The following OR14A2 variants were observed in gnomAD, a reference collection of about 807,000 sequenced individuals.
The protein encoded by OR14A2 is olfactory receptor family 14 subfamily A member 2.
For synonymous variants in OR14A2, 114 were observed against 58.6 expected, an observed-to-expected ratio of 1.95 and a Z score of -4.32; for missense variants, 237 against 152.9, an observed-to-expected ratio of 1.55 and a Z score of -2.90.
exon 1 of OR14A2, chr1:247,723,643 A>G (rs1253407803): frequency 2.8e-6 from 2 of 718,460 alleles, no homozygotes; most frequent in Non-Finnish European, 5.2e-6. Flanking sequence ...TCCAGTATTC[A>G]TGATTACCTC....
At chr1:247,743,583 A>T in the OR14A2 span, among the ~76,000 whole-genome samples, 16 of 152,318 alleles carry the variant, frequency 1.1e-4, no homozygotes, top group East Asian at 3.1e-3. Context: ...TATGTATTTA[A>T]GATGCATTTC....
At chr1:247,731,439 A>T in the OR14A2 span, among the ~76,000 whole-genome samples, 1 of 151,600 alleles carries the variant, frequency 6.6e-6, no homozygotes, top group Non-Finnish European at 1.5e-5. Flanking sequence ...ACTATTATTT[A>T]TTTTTGTTTG....
chr1:247,731,745 C>T, the OR14A2 span, among the ~76,000 whole-genome samples: 1 of 151,918 alleles, frequency 6.6e-6, no homozygotes, highest in Admixed American at 6.6e-5. Context: ...CATTTGTATA[C>T]TGAGATTTCA....
chr1:247,724,057 C>T (rs1660275094), upstream of OR14A2: 3 of 675,636 alleles, frequency 4.4e-6, no homozygotes, highest in Non-Finnish European at 8.1e-6. Flanking sequence ...AGATTCTCTT[C>T]AGTGCCTGTC....
At chr1:247,738,553 T>C in the OR14A2 span, 1 of 689,512 alleles carries the variant, frequency 1.5e-6, no homozygotes, top group Non-Finnish European at 2.6e-6. Flanking sequence ...CAAATGATAC[T>C]TTTTAATATT....
At chr1:247,723,054 C>T (rs1480787896), downstream of OR14A2, 1 of 629,936 alleles carries the variant, frequency 1.6e-6, no homozygotes. Context: ...AGGAAAGTTT[C>T]TTGTGATCTG....
the OR14A2 span, among the ~76,000 whole-genome samples, chr1:247,741,897 T>C: frequency 1.3e-5 from 2 of 152,186 alleles, no homozygotes; most frequent in African/African-American, 4.8e-5. Flanking sequence ...CATACCACAA[T>C]GATTGAGAAC....
At chr1:247,738,884 C>G in the OR14A2 span, 4 of 780,790 alleles carry the variant, frequency 5.1e-6, no homozygotes, top group Admixed American at 3.4e-5. Flanking sequence ...CTGACTCCAT[C>G]TCCTTCCTGG....
At chr1:247,733,945 G>A in the OR14A2 span, among the ~76,000 whole-genome samples, 1 of 152,132 alleles carries the variant, frequency 6.6e-6, no homozygotes, top group African/African-American at 2.4e-5. Context: ...TACTATGCTA[G>A]TTAAGAAGGT....
the OR14A2 span, among the ~76,000 whole-genome samples, chr1:247,733,557 A>G: frequency 6.6e-6 from 1 of 152,094 alleles, no homozygotes; most frequent in Non-Finnish European, 1.5e-5. Flanking sequence ...TCCCTATATA[A>G]CAAAAGCCCT....
chr1:247,742,435 G>A, the OR14A2 span, among the ~76,000 whole-genome samples: 3 of 131,564 alleles, frequency 2.3e-5, no homozygotes, highest in African/African-American at 8.7e-5. Flanking sequence ...GACATCACAA[G>A]ATTGAAATTT....
At chr1:247,723,902 T>G (rs1261200274) in exon 1 of OR14A2, 1 of 717,278 alleles carries the variant, frequency 1.4e-6, no homozygotes, top group Admixed American at 2.0e-5. Context: ...ACGTCCAGGG[T>G]AATGAGAGTA....
At chr1:247,739,265 G>C in the OR14A2 span, 6 of 780,696 alleles carry the variant, frequency 7.7e-6, no homozygotes, top group Non-Finnish European at 1.4e-5. Context: ...TTTCCTATGT[G>C]TACATTTTCT....
chr1:247,742,469 C>G, the OR14A2 span, among the ~76,000 whole-genome samples: 1 of 151,960 alleles, frequency 6.6e-6, no homozygotes, highest in South Asian at 2.1e-4. Flanking sequence ...CACACACACA[C>G]GCACACACAC....
the OR14A2 span, chr1:247,738,591 A>G: frequency 1.3e-6 from 1 of 757,174 alleles, no homozygotes; most frequent in South Asian, 1.4e-5. Flanking sequence ...CCTTTACTCC[A>G]TAGGGCGCTT....
At chr1:247,739,488 A>G in the OR14A2 span, 1 of 780,720 alleles carries the variant, frequency 1.3e-6, no homozygotes, top group African/African-American at 1.7e-5. Context: ...CTGTCTGAAG[A>G]ACAAGGACAT....
chr1:247,723,437 A>T (rs1211014532), exon 1 of OR14A2: 11 of 717,534 alleles, frequency 1.5e-5, no homozygotes, highest in East Asian at 2.7e-5. Flanking sequence ...ATGCTTAAAC[A>T]TGCACCAACT....
upstream of OR14A2, among the ~76,000 whole-genome samples, chr1:247,728,478 G>A (rs1423395786): frequency 1.3e-5 from 2 of 152,000 alleles, no homozygotes; most frequent in African/African-American, 2.4e-5. Flanking sequence ...TACTGAATGG[G>A]CAATAACTGG....
the OR14A2 span, among the ~76,000 whole-genome samples, chr1:247,747,887 C>T: frequency 9.9e-5 from 15 of 152,274 alleles, no homozygotes; most frequent in Non-Finnish European, 2.1e-4. Flanking sequence ...GAATGACTGC[C>T]TCTCTTCTTG....
Sources: allele counts gnomAD v4.1 joint callset (sites outside exome capture counted in the v4.1 genomes callset), GRCh38; gene constraint gnomAD v4.1.1; transcripts MANE v1.5; gene names NCBI Gene and HGNC (gene_info 2026-07-23, HGNC 2026-07-21).